SP100: variants seen among roughly 807,000 people sequenced by gnomAD.
SP100 encodes the protein nuclear autoantigen Sp-100.
SP100 carries 84 observed loss-of-function variants against 130.0 expected under a neutral mutation model. That is an observed-to-expected ratio of 0.65 (90% confidence interval 0.54 to 0.77). The LOEUF (loss-of-function observed/expected upper bound fraction) is 0.77. Among genes scored for constraint, SP100 ranks in the 30% least tolerant of loss-of-function variants. SP100 has a pLI of 0.00. For synonymous variants in SP100, 331 were observed against 351.7 expected, an observed-to-expected ratio of 0.94 and a Z score of 0.66; for missense variants, 978 against 1,052.2, an observed-to-expected ratio of 0.93 and a Z score of 0.97.
At chr2:230,456,328 C>T (rs970476012) in intron 8 of SP100, among the ~76,000 whole-genome samples, 1 of 152,148 alleles carries the variant, frequency 6.6e-6, no homozygotes, top group African/African-American at 2.4e-5. Flanking sequence ...TCTTTTGTTG[C>T]TTTCAGGATT....
At chr2:230,466,046 TTGG>T (rs528692258) in intron 11 of SP100, among the ~76,000 whole-genome samples, 159 of 151,616 alleles carry the variant, frequency 1.0e-3, no homozygotes, top group Non-Finnish European at 2.0e-3. Context: ...TTAGCCGGGC[TTGG>T]TGGTGCACAA....
intron 24 of SP100, chr2:230,515,544 A>G (rs1559531161): frequency 1.9e-6 from 3 of 1,601,196 alleles, no homozygotes; most frequent in Admixed American, 3.5e-5. Flanking sequence ...CAAAAAAGAG[A>G]GTTGTCAAGG....
Position 230,543,418 on chromosome 2 carries a change from C to T in SP100, c.*472C>T, listed in dbSNP as rs1025670113. ...CTATATCTAGAAAACCCCCTAGTCT[C>T]AGCCCAGAAGCTCCTTCTGCTGATA... On this transcript the variant is annotated 3_prime_UTR_variant, in exon 29 of 29. Transcript: ENST00000340126. 6.6e-6 allele frequency: 1 copy of T among 152,262 alleles called. No individual in the cohort carries two copies. Among genetic ancestry groups the T allele is most frequent in the African/African-American group, 2.4e-5 (1 of 41,444 alleles). 9.4% of individuals were successfully genotyped at this position (152,262 alleles called of 1,614,324 possible).
intron 18 of SP100, among the ~76,000 whole-genome samples, chr2:230,494,769 A>T (rs2066573426): frequency 6.6e-6 from 1 of 152,196 alleles, no homozygotes; most frequent in African/African-American, 2.4e-5. Flanking sequence ...TGAAAAAAAA[A>T]TTGACAAAAG....
chr2:230,432,631 T>C (rs1416864570), intron 2 of SP100, among the ~76,000 whole-genome samples: 2 of 152,200 alleles, frequency 1.3e-5, no homozygotes, highest in African/African-American at 4.8e-5. Flanking sequence ...TTCACATGTT[T>C]TTATTTTTCA....
rs770800301 is a variant in SP100 at position 230,494,490 on chromosome 2, T to A, written c.1645+30T>A. 3.9e-6 allele frequency: 6 copies of A among 1,549,988 alleles called. No homozygotes were observed. In the South Asian group the frequency reaches 6.7e-5, roughly 17 times the overall value. On this transcript the variant is annotated intron_variant, in intron 18 of 28. Transcript: ENST00000340126. ...GAAGAAATGTGGGGATTTACTCCTT[T>A]GAACTCGCTGTGGTCCTGTTCTTCC...
At chr2:230,504,895 A>C (rs1383817025) in intron 21 of SP100, among the ~76,000 whole-genome samples, 1 of 152,232 alleles carries the variant, frequency 6.6e-6, no homozygotes, top group African/African-American at 2.4e-5. Context: ...ATTTCTTTGG[A>C]TAGGCTATCT....
intron 23 of SP100, 60 bp downstream of exon 23, chr2:230,508,091 CTG>C: frequency 6.2e-7 from 1 of 1,601,924 alleles, no homozygotes; most frequent in Non-Finnish European, 8.5e-7. Flanking sequence ...TTTTCTATCT[CTG>C]TGGACTTACA....
intron 8 of SP100, among the ~76,000 whole-genome samples, chr2:230,451,440 T>G (rs2063979580): frequency 6.6e-6 from 1 of 152,262 alleles, no homozygotes; most frequent in Admixed American, 6.5e-5. Flanking sequence ...ATGTGTTCCC[T>G]TAAGAAATGT....
In SP100 at chr2:230,469,929, C is replaced by G; in HGVS notation, c.1346-86C>G. 8.5e-6 allele frequency: 13 copies of G among 1,523,140 alleles called. 1 individual carries two copies. In the South Asian group the frequency reaches 1.5e-4, roughly 17 times the overall value. 94.4% of individuals were successfully genotyped at this position (1,523,140 alleles called of 1,614,324 possible). A position where few individuals can be genotyped will look rare whatever the true frequency, so the allele number is the denominator to read the frequency against. On this transcript the variant is annotated intron_variant, in intron 14 of 28. Coordinates refer to ENST00000340126, the MANE Select transcript of SP100 (RefSeq NM_001080391.2). The stretch of plus-strand genomic sequence containing the variant: ...TTCTCCCCCTCCTCCACAAGCTTCT[C>G]TTGTTCAGTTTTGCTTTTAAAGAAT...
At chr2:230,449,445 C>A in intron 6 of SP100, 116 bp from the exon 7 acceptor site, 1 of 1,145,846 alleles carries the variant, frequency 8.7e-7, no homozygotes, top group Non-Finnish European at 1.3e-6. Context: ...TTGAATCTGG[C>A]TGTTGCCTTG....
chr2:230,469,993 G>A (rs1276712149), intron 14 of SP100, 22 bp from the exon 15 acceptor site: 3 of 1,605,544 alleles, frequency 1.9e-6, no homozygotes, highest in African/African-American at 2.7e-5. Flanking sequence ...AGACTGTTAA[G>A]GAATTTTATT....
Position 230,544,814 on chromosome 2 carries a change from G to A in SP100, c.*1868G>A, listed in dbSNP as rs111773884. 4.3e-4 allele frequency among the ~76,000 whole-genome samples: 66 copies of A among 152,208 alleles called. 1 individual carries two copies. The highest frequency in any genetic ancestry group is 3.8e-4 in the Non-Finnish European group (26 of 68,004). On this transcript the variant is annotated 3_prime_UTR_variant, in exon 29 of 29. Transcript: ENST00000340126. ...ACTTTCCAAAAGAAGATACACATGCGGCCAACAAGCATGTTTTAAAAGCTC... is the reference window on the plus strand; with the variant it reads ...ACTTTCCAAAAGAAGATACACATGCAGCCAACAAGCATGTTTTAAAAGCTC...
intron 8 of SP100, among the ~76,000 whole-genome samples, chr2:230,454,706 T>C (rs73095041): frequency 6.6e-6 from 1 of 152,124 alleles, no homozygotes; most frequent in African/African-American, 2.4e-5. Context: ...GCCTAACATA[T>C]GATGTATCCT....
At chr2:230,442,449 TTAA>T (rs1220813566) in intron 2 of SP100, among the ~76,000 whole-genome samples, 2 of 152,236 alleles carry the variant, frequency 1.3e-5, no homozygotes, top group African/African-American at 4.8e-5. Context: ...TATTTGTGAA[TTAA>T]TGATGTAGGA....
At chr2:230,440,648 A>G in intron 2 of SP100, 1 of 1,234,076 alleles carries the variant, frequency 8.1e-7, no homozygotes, top group Non-Finnish European at 1.0e-6. Context: ...TTCAATTCAA[A>G]TCCAAAAAAA....
Position 230,417,604 on chromosome 2 carries a change from T to C in SP100, c.46T>C (p.Cys16Arg), listed in dbSNP as rs936349440. The change falls in exon 2 of 29, where the codon TGT becomes CGT. Residue 16 changes from cysteine (C) to arginine (R), a missense_variant. Cys to Arg is a radical substitution (Grantham distance 180). Transcript: ENST00000340126. The stretch of plus-strand genomic sequence containing the variant: ...TTGTCTTTCTAGGAGGCTGAATGAA[T>C]GTATTTCACCAGTAGCAAATGAGAT... ...GDLSTRRLNE[C>R]ISPVANEMNH... 1.2e-6 allele frequency: 2 copies of C among 1,612,578 alleles called. No homozygotes were observed. Among genetic ancestry groups the C allele is most frequent in the Non-Finnish European group, 1.7e-6 (2 of 1,179,606 alleles).
chr2:230,431,153 T>C (rs751091014), intron 2 of SP100, among the ~76,000 whole-genome samples: 14 of 152,222 alleles, frequency 9.2e-5, no homozygotes, highest in African/African-American at 1.4e-4. Flanking sequence ...AGGAGCACAG[T>C]ACCAGCATGA....
chr2:230,463,213 A>G (rs113925122), intron 10 of SP100, among the ~76,000 whole-genome samples: 5 of 152,368 alleles, frequency 3.3e-5, no homozygotes, highest in African/African-American at 1.2e-4. Context: ...CTCATGGTAA[A>G]TTAAAGGAAA....
Sources: gnomAD v4.1 joint callset for allele counts (sites outside exome capture counted in the v4.1 genomes callset) on GRCh38, gnomAD v4.1.1 for gene constraint, MANE v1.5 for transcripts, NCBI Gene and HGNC (gene_info 2026-07-23, HGNC 2026-07-21) for gene names.